The following POU2F3 variants were observed in gnomAD, a reference collection of about 807,000 sequenced individuals.
POU2F3 encodes the protein POU domain, class 2, transcription factor 3.
In POU2F3, 23 loss-of-function variants were observed where a neutral mutation model predicts 59.2. The ratio of observed to expected loss-of-function variants is 0.39; its 90% CI spans 0.28 to 0.55. POU2F3 has a LOEUF of 0.55. POU2F3 is among the 20% of genes least tolerant of loss of function. POU2F3 has a pLI of 0.66. For missense variants in POU2F3, 473 were observed against 544.5 expected, an observed-to-expected ratio of 0.87 and a Z score of 1.31; for synonymous variants, 190 against 214.6, an observed-to-expected ratio of 0.89 and a Z score of 1.00.
At chr11:120,317,449 C>T (rs1253616927) in intron 12 of POU2F3, 85 bp downstream of exon 12, 5 of 1,552,382 alleles carry the variant, frequency 3.2e-6, no homozygotes, top group Non-Finnish European at 3.5e-6. Context: ...GGAAAGAAAG[C>T]TTGTCATAGA....
In POU2F3 at chr11:120,259,841, C is replaced by A. The variant is rs140067057; in HGVS notation, c.98-9369C>A. ...AACTCTGACCATTAGGCCACACTTC[C>A]CAGTTCCTTGGATGAATCTCAAGTA... On this transcript the variant is annotated intron_variant, in intron 2 of 12. Transcript: ENST00000543440. 5.7e-3 allele frequency among the ~76,000 whole-genome samples: 872 copies of A among 152,318 alleles called. 7 individuals are homozygous for A. The highest frequency in any genetic ancestry group is 0.02 in the African/African-American group (834 of 41,560).
intron 2 of POU2F3, among the ~76,000 whole-genome samples, chr11:120,266,892 T>C (rs1444692373): frequency 1.3e-5 from 2 of 152,220 alleles, no homozygotes; most frequent in Middle Eastern, 3.2e-3. Flanking sequence ...CAATATTGTA[T>C]CCCCAGTGCC....
intron 2 of POU2F3, among the ~76,000 whole-genome samples, chr11:120,259,739 G>A (rs768826655): frequency 1.3e-5 from 2 of 152,206 alleles, no homozygotes; most frequent in African/African-American, 2.4e-5. Flanking sequence ...CGGAGATTAA[G>A]CCACTTGCCA....
intron 3 of POU2F3, among the ~76,000 whole-genome samples, chr11:120,271,143 TAACA>T (rs555414778): frequency 5.3e-5 from 8 of 152,168 alleles, no homozygotes; most frequent in Non-Finnish European, 7.3e-5. Flanking sequence ...GGGAGTTTGC[TAACA>T]AATGAAAGCC....
intron 3 of POU2F3, among the ~76,000 whole-genome samples, chr11:120,276,757 G>A (rs986020243): frequency 4.6e-5 from 7 of 152,148 alleles, no homozygotes; most frequent in Admixed American, 6.5e-5. Context: ...TTGGAGATAC[G>A]GTTTTGATGC....
chr11:120,254,840 T>A (rs1442791948), intron 2 of POU2F3: 1 of 152,120 alleles, frequency 6.6e-6, no homozygotes, highest in African/African-American at 2.4e-5. Flanking sequence ...CTCCCTGGAC[T>A]GGTGAGCTTG....
intron 5 of POU2F3, chr11:120,301,639 C>T (rs970557408): frequency 6.5e-6 from 1 of 153,264 alleles, no homozygotes; most frequent in Non-Finnish European, 1.5e-5. Context: ...CCTCATGTAC[C>T]GTTTTCCTGG....
chr11:120,314,114 G>T (rs1941723828), intron 10 of POU2F3, among the ~76,000 whole-genome samples: 1 of 152,188 alleles, frequency 6.6e-6, no homozygotes, highest in Non-Finnish European at 1.5e-5. Flanking sequence ...TTACCACTCT[G>T]CCACCCCTCC....
intron 2 of POU2F3, among the ~76,000 whole-genome samples, chr11:120,249,118 G>C (rs979686512): frequency 6.6e-6 from 1 of 152,200 alleles, no homozygotes; most frequent in Admixed American, 6.5e-5. Context: ...AGACCTCCTG[G>C]CTGGTGGAGA....
chr11:120,267,047 A>T (rs957405922), intron 2 of POU2F3, among the ~76,000 whole-genome samples: 9 of 152,112 alleles, frequency 5.9e-5, no homozygotes, highest in Non-Finnish European at 1.2e-4. Flanking sequence ...TTTTTAAGAG[A>T]AAAGCAATTT....
rs1424842180 is a variant in POU2F3 at position 120,240,193 on chromosome 11, C to G, written c.-151C>G. ...TTGCCCGGGCCGGAGCAGCGGAGCG[C>G]GCGACAGTGGCGGCGACGGCTCCGG... On this transcript the variant is annotated 5_prime_UTR_variant, in exon 1 of 13. Coordinates refer to ENST00000543440, the MANE Select transcript of POU2F3 (RefSeq NM_014352.4). The G allele has an allele frequency of 6.5e-6, 8 of 1,233,706 alleles. No individual in the cohort carries two copies. The highest frequency in any genetic ancestry group is 8.1e-6 in the Non-Finnish European group (8 of 981,600). 76.4% of individuals were successfully genotyped at this position (1,233,706 alleles called of 1,614,324 possible). A position where few individuals can be genotyped will look rare whatever the true frequency, so the allele number is the denominator to read the frequency against.
chr11:120,277,107 T>TACAAAAA (rs1296037214), intron 3 of POU2F3, among the ~76,000 whole-genome samples: 1 of 151,106 alleles, frequency 6.6e-6, no homozygotes, highest in Non-Finnish European at 1.5e-5. Flanking sequence ...AAATACAAAA[T>TACAAAAA]ACAAAAAAAT....
intron 2 of POU2F3, among the ~76,000 whole-genome samples, chr11:120,264,600 A>G (rs1939750655): frequency 6.6e-6 from 1 of 152,182 alleles, no homozygotes; most frequent in South Asian, 2.1e-4. Context: ...GGGTGTCTGG[A>G]ACCCAGCTCT....
At chr11:120,238,660 C>G (rs374055259), upstream of POU2F3, among the ~76,000 whole-genome samples, 1 of 151,440 alleles carries the variant, frequency 6.6e-6, no homozygotes, top group Non-Finnish European at 1.5e-5. Flanking sequence ...GTGGTGAAAC[C>G]CTGTCTCTCC....
intron 8 of POU2F3, among the ~76,000 whole-genome samples, chr11:120,306,361 T>C (rs1282733609): frequency 1.3e-5 from 2 of 152,066 alleles, no homozygotes; most frequent in African/African-American, 4.8e-5. Context: ...AGATCAAGCG[T>C]GTAAGCCAAG....
At chr11:120,317,429 C>G in intron 12 of POU2F3, 65 bp downstream of exon 12, 1 of 1,589,104 alleles carries the variant, frequency 6.3e-7, no homozygotes, top group Non-Finnish European at 8.6e-7. Flanking sequence ...GAAGCTGAGC[C>G]TATGCCTTGG....
In POU2F3 at chr11:120,255,563, G is replaced by A. The variant is rs573346627; in HGVS notation, c.97+9046G>A. Among the ~76,000 whole-genome samples, 5 of 152,192 alleles carry A rather than the reference G, an allele frequency of 3.3e-5. No homozygotes were observed. In the South Asian group the frequency reaches 8.3e-4, roughly 25 times the overall value. On this transcript the variant is annotated intron_variant, in intron 2 of 12. Coordinates refer to ENST00000543440, the MANE Select transcript of POU2F3 (RefSeq NM_014352.4). ...GGATGATTAAGGTTTTCTTGAGGAG[G>A]GAAGCGTGGACAAAAGGGGTTAAGC...
At chr11:120,251,344 TC>T (rs1939090059) in intron 2 of POU2F3, among the ~76,000 whole-genome samples, 2 of 152,196 alleles carry the variant, frequency 1.3e-5, no homozygotes, top group Admixed American at 1.3e-4. Flanking sequence ...ACACACACTC[TC>T]CCTCCCTTTT....
At chr11:120,266,982 A>G (rs1939850617) in intron 2 of POU2F3, among the ~76,000 whole-genome samples, 1 of 152,196 alleles carries the variant, frequency 6.6e-6, no homozygotes, top group Non-Finnish European at 1.5e-5. Flanking sequence ...CAAGTCTTTG[A>G]ACATTACTCC....
Sources: allele counts gnomAD v4.1 joint callset (sites outside exome capture counted in the v4.1 genomes callset), GRCh38; gene constraint gnomAD v4.1.1; transcripts MANE v1.5; gene names NCBI Gene and HGNC (gene_info 2026-07-23, HGNC 2026-07-21).